Variants in NTM observed in about 807,000 individuals in gnomAD.
NTM encodes IgLON family member 2.
A neutral mutation model predicts 42.1 loss-of-function variants in NTM; 13 were observed. That is an observed-to-expected ratio of 0.31 (90% confidence interval 0.20 to 0.49). NTM has a LOEUF of 0.49. NTM is among the 20% of genes least tolerant of loss of function. The pLI, the probability that NTM is intolerant of heterozygous loss-of-function variation, is 0.99. For missense variants in NTM, 373 were observed against 452.8 expected, an observed-to-expected ratio of 0.82 and a Z score of 1.60; for synonymous variants, 187 against 179.2, an observed-to-expected ratio of 1.04 and a Z score of -0.35.
At chr11:132,050,967 T>C (rs1464263373) in intron 2 of NTM, among the ~76,000 whole-genome samples, 1 of 152,228 alleles carries the variant, frequency 6.6e-6, no homozygotes, top group Non-Finnish European at 1.5e-5. Flanking sequence ...TGATGAAATC[T>C]GAGCCCTGCA....
intron 1 of NTM, among the ~76,000 whole-genome samples, chr11:131,391,043 G>A (rs905356268): frequency 3.3e-5 from 5 of 152,144 alleles, no homozygotes; most frequent in South Asian, 4.1e-4. Flanking sequence ...CTAACCACAC[G>A]GGGCTGCGGG....
At chr11:131,448,599 G>A (rs895996268) in intron 1 of NTM, among the ~76,000 whole-genome samples, 3 of 152,224 alleles carry the variant, frequency 2.0e-5, no homozygotes, top group African/African-American at 7.2e-5. Context: ...CTTCTTCTCT[G>A]AACAGTTCTC....
intron 2 of NTM, among the ~76,000 whole-genome samples, chr11:131,923,182 T>TAA (rs2057467055): frequency 6.6e-6 from 1 of 152,194 alleles, no homozygotes; most frequent in Non-Finnish European, 1.5e-5. Flanking sequence ...AGAAGTCTGT[T>TAA]ATTTATGTAT....
intron 4 of NTM, among the ~76,000 whole-genome samples, chr11:132,215,013 C>G (rs1242857112): frequency 6.6e-6 from 1 of 152,240 alleles, no homozygotes; most frequent in African/African-American, 2.4e-5. Context: ...CACTTGGCTG[C>G]TGCCCAATAT....
chr11:132,314,979 T>C (rs993714935), intron 7 of NTM: 47 of 1,186,624 alleles, frequency 4.0e-5, no homozygotes, highest in Non-Finnish European at 4.9e-5. Context: ...ATCTCAGAAG[T>C]GGGAAAAGGA....
chr11:131,707,947 G>C (rs564320331), intron 1 of NTM, among the ~76,000 whole-genome samples: 1 of 152,054 alleles, frequency 6.6e-6, no homozygotes, highest in Non-Finnish European at 1.5e-5. Flanking sequence ...TAAATAAAAA[G>C]CATCCAAATT....
At chr11:132,275,765 T>TATATACGTATATATAC (rs1190014210) in intron 4 of NTM, among the ~76,000 whole-genome samples, 1 of 147,676 alleles carries the variant, frequency 6.8e-6, no homozygotes, top group African/African-American at 2.5e-5. Context: ...TATATATATA[T>TATATACGTATATATAC]GTTATATAAT....
chr11:132,331,248 G>GATA (rs1376297686), intron 8 of NTM, among the ~76,000 whole-genome samples: 1 of 152,330 alleles, frequency 6.6e-6, no homozygotes, highest in South Asian at 2.1e-4. Context: ...TAGAAAGGGA[G>GATA]ATAATAATTC....
intron 4 of NTM, among the ~76,000 whole-genome samples, chr11:132,280,241 G>T (rs773992370): frequency 1.3e-5 from 2 of 152,128 alleles, no homozygotes; most frequent in Non-Finnish European, 2.9e-5. Context: ...AAATAAATTT[G>T]AGGTTTGCTA....
At chr11:132,104,974 T>A (rs1260708860) in intron 2 of NTM, among the ~76,000 whole-genome samples, 1 of 121,572 alleles carries the variant, frequency 8.2e-6, no homozygotes, top group Non-Finnish European at 1.7e-5. Context: ...TATATATATA[T>A]ATATATATAT....
intron 1 of NTM, among the ~76,000 whole-genome samples, chr11:131,452,832 C>T (rs780764452): frequency 6.6e-5 from 10 of 152,148 alleles, no homozygotes; most frequent in Non-Finnish European, 1.5e-4. Flanking sequence ...GGATTTTTAT[C>T]GCTCAGATGA....
At chr11:131,814,219 T>C (rs2092855443) in intron 1 of NTM, among the ~76,000 whole-genome samples, 1 of 152,192 alleles carries the variant, frequency 6.6e-6, no homozygotes, top group Admixed American at 6.5e-5. Context: ...CTGGCCACTT[T>C]GGGTTTTACT....
intron 1 of NTM, among the ~76,000 whole-genome samples, chr11:131,514,478 A>G: frequency 6.6e-6 from 1 of 152,242 alleles, no homozygotes; most frequent in South Asian, 2.1e-4. Context: ...AGATGAATGA[A>G]TCCAAATCTT....
At chr11:131,711,497 A>C (rs1458450233) in intron 1 of NTM, among the ~76,000 whole-genome samples, 1 of 152,232 alleles carries the variant, frequency 6.6e-6, no homozygotes, top group Non-Finnish European at 1.5e-5. Flanking sequence ...GCTGGAGAGG[A>C]TGTGGAGAAA....
intron 1 of NTM, among the ~76,000 whole-genome samples, chr11:131,467,198 G>A (rs1951979165): frequency 6.6e-6 from 1 of 152,218 alleles, no homozygotes; most frequent in South Asian, 2.1e-4. Context: ...AAGACAAAAA[G>A]GTGGGGACAG....
At chr11:131,481,613 T>C (rs1953600127) in intron 1 of NTM, among the ~76,000 whole-genome samples, 1 of 139,548 alleles carries the variant, frequency 7.2e-6, no homozygotes, top group African/African-American at 2.7e-5. Flanking sequence ...GAGGGAGCTG[T>C]GTGGTTGCAG....
At chr11:131,908,996 T>C (rs770933189) in intron 1 of NTM, among the ~76,000 whole-genome samples, 1 of 152,234 alleles carries the variant, frequency 6.6e-6, no homozygotes, top group Non-Finnish European at 1.5e-5. Flanking sequence ...TGATCCCCAG[T>C]GGCCAAAAGT....
intron 2 of NTM, among the ~76,000 whole-genome samples, chr11:132,053,087 G>A (rs1028457392): frequency 2.6e-5 from 4 of 152,058 alleles, no homozygotes; most frequent in East Asian, 1.9e-4. Context: ...GTGGTATACC[G>A]ATCACAACAA....
chr11:131,730,876 A>G (rs2079591078), intron 1 of NTM, among the ~76,000 whole-genome samples: 1 of 152,128 alleles, frequency 6.6e-6, no homozygotes, highest in South Asian at 2.1e-4. Flanking sequence ...CTCTGATATA[A>G]AACAGTCCAT....
Sources: allele counts gnomAD v4.1 joint callset (sites outside exome capture counted in the v4.1 genomes callset), GRCh38; gene constraint gnomAD v4.1.1; transcripts MANE v1.5; gene names NCBI Gene and HGNC (gene_info 2026-07-23, HGNC 2026-07-21).